Variants in RABGAP1L observed in about 807,000 individuals in gnomAD.
RABGAP1L encodes the protein rab GTPase-activating protein 1-like.
Under a neutral mutation model 137.7 loss-of-function variants are expected in RABGAP1L, and 63 were observed. That is an observed-to-expected ratio of 0.46 (90% confidence interval 0.37 to 0.56). The LOEUF is 0.56. Ranked by LOEUF, RABGAP1L falls within the 20% of genes least tolerant of loss-of-function variation. The pLI, the probability that RABGAP1L is intolerant of heterozygous loss-of-function variation, is 0.00. For synonymous variants in RABGAP1L, 431 were observed against 433.7 expected (o/e 0.99, Z 0.08); for missense variants, 1,095 against 1,244.0 (o/e 0.88, Z 1.80).
chr1:174,553,384 C>T (rs1014772906), intron 13 of RABGAP1L, among the ~76,000 whole-genome samples: 1 of 152,100 alleles, frequency 6.6e-6, no homozygotes, highest in East Asian at 1.9e-4. Flanking sequence ...GTCTTTAATC[C>T]ATCTTGAGTT....
chr1:174,517,568 A>C (rs1662978817), intron 13 of RABGAP1L, among the ~76,000 whole-genome samples: 1 of 152,216 alleles, frequency 6.6e-6, no homozygotes, highest in Non-Finnish European at 1.5e-5. Context: ...GTAGAAATAC[A>C]CTGTAGAAGT....
chr1:174,263,248 A>T (rs2148635492), intron 7 of RABGAP1L, among the ~76,000 whole-genome samples: 1 of 152,340 alleles, frequency 6.6e-6, no homozygotes, highest in Admixed American at 6.5e-5. Context: ...GCAGTCCAAC[A>T]AACTTCTTTG....
intron 13 of RABGAP1L, among the ~76,000 whole-genome samples, chr1:174,585,016 T>C (rs896281894): frequency 3.3e-5 from 5 of 152,178 alleles, no homozygotes; most frequent in Non-Finnish European, 7.3e-5. Context: ...GTTGTAAGTA[T>C]AAAATATTTC....
intron 19 of RABGAP1L, among the ~76,000 whole-genome samples, chr1:174,842,624 A>C (rs147048219): frequency 2.6e-5 from 4 of 152,308 alleles, no homozygotes; most frequent in Non-Finnish European, 5.9e-5. Context: ...TCTCCCAAAG[A>C]TCCCACAATA....
At chr1:174,517,874 G>A (rs1009470558) in intron 13 of RABGAP1L, among the ~76,000 whole-genome samples, 3 of 152,072 alleles carry the variant, frequency 2.0e-5, no homozygotes, top group Non-Finnish European at 4.4e-5. Flanking sequence ...ATATATGCTT[G>A]TTAACATTTG....
intron 13 of RABGAP1L, among the ~76,000 whole-genome samples, chr1:174,611,850 C>T (rs1199004274): frequency 6.6e-6 from 1 of 152,004 alleles, no homozygotes. Context: ...TGATTTGGCT[C>T]TCTGTTTGTC....
intron 7 of RABGAP1L, among the ~76,000 whole-genome samples, chr1:174,261,634 G>A (rs752578941): frequency 6.6e-6 from 1 of 152,172 alleles, no homozygotes; most frequent in Non-Finnish European, 1.5e-5. Context: ...AAATTTGATG[G>A]ACAGTAGAAT....
intron 18 of RABGAP1L, among the ~76,000 whole-genome samples, 195 bp downstream of exon 18, chr1:174,752,549 T>C (rs1309499210): frequency 6.6e-6 from 1 of 152,130 alleles, no homozygotes; most frequent in Non-Finnish European, 1.5e-5. Flanking sequence ...GTCTTTTTTT[T>C]CTTATAATCC....
At chr1:174,970,326 G>A (rs1162966301) in intron 21 of RABGAP1L, among the ~76,000 whole-genome samples, 1 of 152,166 alleles carries the variant, frequency 6.6e-6, no homozygotes, top group Admixed American at 6.5e-5. Flanking sequence ...GAAAGTCTTG[G>A]TTCTATGTTA....
chr1:174,938,853 C>T (rs1665342938), intron 19 of RABGAP1L, among the ~76,000 whole-genome samples: 1 of 152,156 alleles, frequency 6.6e-6, no homozygotes, highest in African/African-American at 2.4e-5. Context: ...GGTTGAAATA[C>T]ACATTTTCCC....
At chr1:174,646,099 A>G (rs1674947129) in intron 14 of RABGAP1L, among the ~76,000 whole-genome samples, 1 of 151,996 alleles carries the variant, frequency 6.6e-6, no homozygotes, top group Non-Finnish European at 1.5e-5. Flanking sequence ...TTCATTGTAG[A>G]TTCTGGATAT....
At chr1:174,484,593 T>G (rs1197197792) in intron 13 of RABGAP1L, among the ~76,000 whole-genome samples, 1 of 152,202 alleles carries the variant, frequency 6.6e-6, no homozygotes, top group African/African-American at 2.4e-5. Context: ...TGGTGAGAGA[T>G]AGGGTTCTTC....
chr1:174,393,394 T>C (rs1471930925), intron 12 of RABGAP1L, among the ~76,000 whole-genome samples: 2 of 152,204 alleles, frequency 1.3e-5, no homozygotes, highest in Admixed American at 1.3e-4. Flanking sequence ...CCAAGTTAGG[T>C]CATCAAGAGA....
At chr1:174,673,285 C>T (rs951892721) in intron 14 of RABGAP1L, among the ~76,000 whole-genome samples, 3 of 152,136 alleles carry the variant, frequency 2.0e-5, no homozygotes, top group South Asian at 2.1e-4. Context: ...CATTAGATAA[C>T]GATTCCCATG....
At chr1:174,621,863 T>G (rs1014077572) in intron 13 of RABGAP1L, among the ~76,000 whole-genome samples, 2 of 152,130 alleles carry the variant, frequency 1.3e-5, no homozygotes, top group Admixed American at 6.5e-5. Flanking sequence ...GGGATCTAAT[T>G]AAACTAAAGA....
intron 14 of RABGAP1L, among the ~76,000 whole-genome samples, chr1:174,649,569 G>A (rs1348062664): frequency 5.3e-5 from 8 of 152,118 alleles, no homozygotes; most frequent in Non-Finnish European, 7.4e-5. Context: ...AGAGAGATCC[G>A]CTGTTAGTCT....
chr1:174,694,644 A>G (rs1362642544), intron 15 of RABGAP1L, among the ~76,000 whole-genome samples: 4 of 151,664 alleles, frequency 2.6e-5, no homozygotes, highest in Non-Finnish European at 1.5e-5. Flanking sequence ...ATTGTGAATA[A>G]TGCCGCAATA....
chr1:174,448,892 C>T lies in RABGAP1L; in HGVS notation c.1710+54747C>T, dbSNP rs754334603. 15 of 1,613,078 alleles carry T rather than the reference C, an allele frequency of 9.3e-6. No individual in the cohort carries two copies. The highest frequency in any genetic ancestry group is 1.7e-5 in the Admixed American group (1 of 59,988). On this transcript the variant is annotated intron_variant, in intron 13 of 25. Transcript: ENST00000681986. This position sits in a 1 kb window ranked among gnomAD's most constrained non-coding sequence, Gnocchi z 4.2. ...CAGAGAGACTGGACACAGCCCTGAC[C>T]GTCGCTACGCCATGGTTTTGTTTAG... is the stretch of plus-strand genomic sequence containing the variant.
intron 19 of RABGAP1L, chr1:174,948,645 G>A (rs1667268201): frequency 6.6e-6 from 1 of 150,386 alleles, no homozygotes; most frequent in Non-Finnish European, 1.5e-5. Context: ...ACTATCTCTT[G>A]TACCCCATAT....
Sources: gnomAD v4.1 joint callset for allele counts (sites outside exome capture counted in the v4.1 genomes callset) on GRCh38, gnomAD v4.1.1 for gene constraint, Gnocchi (gnomAD v3.1) non-coding constraint, MANE v1.5 for transcripts, NCBI Gene and HGNC (gene_info 2026-07-23, HGNC 2026-07-21) for gene names.